LRFN1: variants seen among roughly 807,000 people sequenced by gnomAD.
LRFN1 encodes the protein leucine-rich repeat and fibronectin type III domain-containing protein 1.
LRFN1 carries 20 observed loss-of-function variants against 31.8 expected under a neutral mutation model. The ratio of observed to expected loss-of-function variants is 0.63; its 90% CI spans 0.44 to 0.91. The LOEUF (loss-of-function observed/expected upper bound fraction) is 0.91, where lower values mean the gene tolerates loss of function less well. Among genes scored for constraint, LRFN1 ranks in the 40% least tolerant of loss-of-function variants. The pLI is 0.00. For missense variants in LRFN1, 912 were observed against 1,129.8 expected, an observed-to-expected ratio of 0.81 and a Z score of 2.76; for synonymous variants, 514 against 541.3, an observed-to-expected ratio of 0.95 and a Z score of 0.70.
At chr19:39,309,478 C>CAAAAAAAAAAACAAAAAA (rs2075143034) in intron 4 of LRFN1, among the ~76,000 whole-genome samples, 1 of 32,004 alleles carries the variant, frequency 3.1e-5, no homozygotes, top group African/African-American at 1.5e-4. Context: ...ACAAACAAAC[C>CAAAAAAAAAAACAAAAAA]AAAAAAAAAA....
chr19:39,310,429 C>A (rs1253005415), intron 4 of LRFN1, among the ~76,000 whole-genome samples: 1 of 152,206 alleles, frequency 6.6e-6, no homozygotes, highest in African/African-American at 2.4e-5. Context: ...GCCAGTAACC[C>A]TTGCTGTGGC....
chr19:39,314,035 G>A lies in LRFN1; in HGVS notation c.1302C>T (p.Thr434=). 1.2e-6 allele frequency: 2 copies of A among 1,611,428 alleles called. No individual in the cohort carries two copies. Among genetic ancestry groups the A allele is most frequent in the Non-Finnish European group, 1.7e-6 (2 of 1,179,768 alleles). ...AERRLVAAEL[T]SNSVLIRWPA... is the part of the protein sequence containing the mutation. The stretch of plus-strand genomic sequence containing the variant: ...GCCAGCGGATGAGCACGGAGTTCGA[G>A]GTGAGCTCGGCTGCCACGAGCCGAC... Residue 434 remains threonine, a synonymous_variant, in exon 4 of 5, where the codon ACC becomes ACT. Coordinates refer to ENST00000248668, the MANE Select transcript of LRFN1 (RefSeq NM_020862.2).
Position 39,315,210 on chromosome 19 carries a change from C to A in LRFN1, c.127G>T (p.Val43Leu). Residue 43 changes from valine (V) to leucine (L), a missense_variant, in exon 4 of 5, where the codon GTG becomes TTG. This residue lies in a region of LRFN1 where 401 missense variants were observed against 572.7 expected (regional missense o/e 0.70). Coordinates refer to ENST00000248668, the MANE Select transcript of LRFN1 (RefSeq NM_020862.2). The surrounding 1 kb of genome is among the most constrained non-coding windows in gnomAD (Gnocchi z 4.7). ...CACAGCATTGTCAGTGTGGGCGCCA[C>A]GTTCTGGCAGATGCAGCGGCCGGGG... ...PCPGRCICQNVAPTLTMLCAK... is the reference protein window; with the variant it reads ...PCPGRCICQNLAPTLTMLCAK... 6 of 1,577,560 alleles carry A rather than the reference C, an allele frequency of 3.8e-6. No homozygotes were observed. The highest frequency in any genetic ancestry group is 5.1e-6 in the Non-Finnish European group (6 of 1,168,598).
At chr19:39,311,572 G>C (rs1481813440) in intron 4 of LRFN1, among the ~76,000 whole-genome samples, 1 of 152,242 alleles carries the variant, frequency 6.6e-6, no homozygotes, top group Non-Finnish European at 1.5e-5. Flanking sequence ...GCTACTTTCT[G>C]TGTGACCTTG....
Position 39,314,150 on chromosome 19 carries a change from G to A in LRFN1, c.1187C>T (p.Pro396Leu), listed in dbSNP as rs1267470262. 3 of 1,612,352 alleles carry A rather than the reference G, an allele frequency of 1.9e-6. No individual in the cohort carries two copies. Among genetic ancestry groups the A allele is most frequent in the African/African-American group, 1.3e-5 (1 of 75,022 alleles). Residue 396 changes from proline (P) to leucine (L), a missense_variant, in exon 4 of 5, where the codon CCG (proline) becomes CTG (leucine). Coordinates refer to ENST00000248668, the MANE Select transcript of LRFN1 (RefSeq NM_020862.2). ...CVVPLPLMAP[P>L]PAAPPPLTEP... ...GGTGAGAGGCGGCGGGGCAGCCGGC[G>A]GGGGTGCCATCAGAGGCAGAGGTAC...
At position 39,315,407 on chromosome 19, in the gene LRFN1, G is replaced by A; in HGVS notation, c.-37-34C>T. The A allele has an allele frequency of 7.4e-7, 1 of 1,350,538 alleles. No individual in the cohort carries two copies. Among genetic ancestry groups the A allele is most frequent in the Non-Finnish European group, 9.8e-7 (1 of 1,023,616 alleles). The allele number at this position is 1,350,538 out of a possible 1,614,324, so 83.7% of individuals were successfully genotyped here. A position where few individuals can be genotyped will look rare whatever the true frequency, so the allele number is the denominator to read the frequency against. On this transcript the variant is annotated intron_variant, in intron 3 of 4. Transcript: ENST00000248668. This position sits in a 1 kb window ranked among gnomAD's most constrained non-coding sequence, Gnocchi z 4.7. ...GAAGGAGCCGGTTACCCAGGCGTGG[G>A]ACTTGGCCGCCATGGGATGTCCTGC...
In LRFN1 at chr19:39,308,566, G is replaced by T; in HGVS notation, c.1407-24C>A. The T allele has an allele frequency of 1.3e-6, 2 of 1,540,200 alleles. No individual in the cohort carries two copies. Among genetic ancestry groups the T allele is most frequent in the Non-Finnish European group, 1.8e-6 (2 of 1,141,272 alleles). The stretch of plus-strand genomic sequence containing the variant: ...TCCTGTAGGAGGGGGCGGGTTCAGG[G>T]CGGGGTTAGTCCCCCCGAACCACGC... On this transcript the variant is annotated intron_variant, in intron 4 of 4. Transcript: ENST00000248668. The surrounding 1 kb of genome is among the most constrained non-coding windows in gnomAD (Gnocchi z 6.2).
chr19:39,314,200 C>T lies in LRFN1; in HGVS notation c.1137G>A (p.Ala379=), dbSNP rs954869382. The T allele has an allele frequency of 5.0e-6, 8 of 1,613,200 alleles. No individual in the cohort carries two copies. Among genetic ancestry groups the T allele is most frequent in the African/African-American group, 1.3e-5 (1 of 74,920 alleles). Residue 379 remains alanine (A), a synonymous_variant, in exon 4 of 5, where the codon GCG becomes GCA. Coordinates refer to ENST00000248668, the MANE Select transcript of LRFN1 (RefSeq NM_020862.2). ...TCIASNAAGE[A]TAPVEVCVVP... Reference sequence around the variant, plus strand: ...CCACGCACACCTCCACGGGCGCCGTCGCTTCCCCAGCAGCATTGGAGGCGA... The same window carrying T: ...CCACGCACACCTCCACGGGCGCCGTTGCTTCCCCAGCAGCATTGGAGGCGA...
chr19:39,312,765 G>A (rs1246570943), intron 4 of LRFN1, among the ~76,000 whole-genome samples: 3 of 148,600 alleles, frequency 2.0e-5, no homozygotes, highest in Non-Finnish European at 4.4e-5. Flanking sequence ...TCATACCACT[G>A]CACTCCAGCC....
intron 1 of LRFN1, among the ~76,000 whole-genome samples, chr19:39,319,395 G>A (rs2075181122): frequency 6.6e-6 from 1 of 151,692 alleles, no homozygotes; most frequent in South Asian, 2.1e-4. Context: ...TCTCCATGTT[G>A]CAAAGTTGAT....
intron 4 of LRFN1, among the ~76,000 whole-genome samples, chr19:39,313,504 C>G (rs562273629): frequency 1.3e-5 from 2 of 152,306 alleles, no homozygotes; most frequent in East Asian, 3.9e-4. Context: ...TGCACTCCAG[C>G]CTGGGCAATA....
rs1265724179 is a variant in LRFN1 at position 39,308,271 on chromosome 19, T to G, written c.1678A>C (p.Lys560Gln). ...CGGCTGTCCCCGTCGCCATACACCT[T>G]ATAGCGGATCATGAGCAGAACGATG... ...VFIVLLMIRYKVYGDGDSRRV... is the reference protein window; with the variant it reads ...VFIVLLMIRYQVYGDGDSRRV... Residue 560 changes from lysine to glutamine, a missense_variant, in exon 5 of 5, where the codon AAG becomes CAG. Around this residue, in one of 2 missense-constraint regions of LRFN1, gnomAD observed 511 missense variants for 557.0 expected, o/e 0.92. Coordinates refer to ENST00000248668, the MANE Select transcript of LRFN1 (RefSeq NM_020862.2). The surrounding 1 kb of genome is among the most constrained non-coding windows in gnomAD (Gnocchi z 6.2). The G allele has an allele frequency of 6.2e-7, 1 of 1,613,174 alleles. No individual in the cohort carries two copies. The highest frequency in any genetic ancestry group is 1.1e-5 in the South Asian group (1 of 91,064).
At chr19:39,310,340 G>A (rs1227017198) in intron 4 of LRFN1, among the ~76,000 whole-genome samples, 3 of 152,220 alleles carry the variant, frequency 2.0e-5, no homozygotes, top group African/African-American at 7.2e-5. Flanking sequence ...TAGAGATGGT[G>A]TGAGGAATGA....
intron 1 of LRFN1, among the ~76,000 whole-genome samples, chr19:39,319,194 C>T (rs187892264): frequency 4.4e-4 from 67 of 152,320 alleles, no homozygotes; most frequent in Non-Finnish European, 8.4e-4. Context: ...TTCACACACA[C>T]AAATGCACAG....
At chr19:39,319,433 T>G (rs199542527) in intron 1 of LRFN1, among the ~76,000 whole-genome samples, 1 of 149,248 alleles carries the variant, frequency 6.7e-6, no homozygotes, top group Non-Finnish European at 1.5e-5. Flanking sequence ...GATACATACC[T>G]CACACACACA....
intron 2 of LRFN1, among the ~76,000 whole-genome samples, 168 bp downstream of exon 2, chr19:39,318,158 A>C (rs945372827): frequency 2.0e-5 from 3 of 152,106 alleles, no homozygotes; most frequent in African/African-American, 7.2e-5. Context: ...TGACCTTGTC[A>C]CCACTCCCCA....
chr19:39,314,611 G>C lies in LRFN1; in HGVS notation c.726C>G (p.Pro242=). The part of the protein sequence containing the change: ...LRSQGTGPKP[P]TPLTVSFGGN... ...CGCCGAAGCTGACGGTCAGCGGGGTGGGCGGCTTGGGCCCGGTGCCCTGCG... is the reference window on the plus strand; with the variant it reads ...CGCCGAAGCTGACGGTCAGCGGGGTCGGCGGCTTGGGCCCGGTGCCCTGCG... Residue 242 remains proline (P), a synonymous_variant, in exon 4 of 5, where the codon CCC becomes CCG. Transcript: ENST00000248668. The C allele has an allele frequency of 6.2e-7, 1 of 1,609,858 alleles. No individual in the cohort carries two copies. Among genetic ancestry groups the C allele is most frequent in the Non-Finnish European group, 8.5e-7 (1 of 1,178,186 alleles).
chr19:39,310,761 C>T (rs184266021), intron 4 of LRFN1, among the ~76,000 whole-genome samples: 8 of 152,192 alleles, frequency 5.3e-5, no homozygotes, highest in Non-Finnish European at 4.4e-5. Flanking sequence ...CTGCTTATCT[C>T]TCCGATGCTT....
chr19:39,314,614 C>T lies in LRFN1; in HGVS notation c.723G>A (p.Pro241=), dbSNP rs1376340851. 1 of 1,609,578 alleles carries T rather than the reference C, an allele frequency of 6.2e-7. No individual in the cohort carries two copies. Among genetic ancestry groups the T allele is most frequent in the Non-Finnish European group, 8.5e-7 (1 of 1,178,086 alleles). The change falls in exon 4 of 5, where the codon CCG becomes CCA. Residue 241 remains proline, a synonymous_variant. Transcript: ENST00000248668. The part of the protein sequence containing the change: ...FLRSQGTGPK[P]PTPLTVSFGG... ...CGAAGCTGACGGTCAGCGGGGTGGG[C>T]GGCTTGGGCCCGGTGCCCTGCGACC...
Sources: gnomAD v4.1 joint callset for allele counts (sites outside exome capture counted in the v4.1 genomes callset) on GRCh38, gnomAD v4.1.1 for gene constraint, gnomAD v4.1.1 regional missense constraint, Gnocchi (gnomAD v3.1) non-coding constraint, MANE v1.5 for transcripts, NCBI Gene and HGNC (gene_info 2026-07-23, HGNC 2026-07-21) for gene names.